PTPRN2: variants seen among roughly 807,000 people sequenced by gnomAD.
The protein encoded by PTPRN2 is receptor-type tyrosine-protein phosphatase N2.
Under a neutral mutation model 118.8 loss-of-function variants are expected in PTPRN2, and 74 were observed. The observed-to-expected ratio is 0.62, with a 90% CI of 0.52 to 0.76. The LOEUF (loss-of-function observed/expected upper bound fraction) is 0.76, where lower values mean the gene tolerates loss of function less well. Among genes scored for constraint, PTPRN2 ranks in the 30% least tolerant of loss-of-function variants. PTPRN2 has a pLI of 0.00. For synonymous variants in PTPRN2, 641 were observed against 608.0 expected, an observed-to-expected ratio of 1.05 and a Z score of -0.80; for missense variants, 1,481 against 1,394.4, an observed-to-expected ratio of 1.06 and a Z score of -0.99.
intron 11 of PTPRN2, among the ~76,000 whole-genome samples, chr7:157,976,400 C>T (rs931244190): frequency 1.9e-4 from 29 of 152,140 alleles, no homozygotes; most frequent in Non-Finnish European, 3.7e-4. Context: ...CCTCTGTTCT[C>T]TTTATTGTTC....
At chr7:158,235,178 T>A (rs1829452553) in intron 3 of PTPRN2, among the ~76,000 whole-genome samples, 1 of 152,154 alleles carries the variant, frequency 6.6e-6, no homozygotes, top group Non-Finnish European at 1.5e-5. Flanking sequence ...TAGAGAATAG[T>A]ATGGAGGTTG....
At chr7:158,141,245 T>G (rs1358863558) in intron 6 of PTPRN2, among the ~76,000 whole-genome samples, 9 of 152,222 alleles carry the variant, frequency 5.9e-5, no homozygotes, top group Non-Finnish European at 1.2e-4. Flanking sequence ...GTAGGCATTT[T>G]AGGTTTTTTG....
At chr7:158,467,629 G>A (rs1819488723) in intron 2 of PTPRN2, among the ~76,000 whole-genome samples, 1 of 152,158 alleles carries the variant, frequency 6.6e-6, no homozygotes, top group Non-Finnish European at 1.5e-5. Flanking sequence ...TGAGAACGGT[G>A]TAAGGTAAGG....
At position 157,831,270 on chromosome 7, in the gene PTPRN2, C is replaced by A. The variant is rs896886522; in HGVS notation, c.1788+67403G>T. On this transcript the variant is annotated intron_variant, in intron 12 of 22. Coordinates refer to ENST00000389418, the MANE Select transcript of PTPRN2 (RefSeq NM_002847.5). This position sits in a 1 kb window ranked among gnomAD's most constrained non-coding sequence, Gnocchi z 4.8. ...GAAGCCCCCATGGTGCAGGCCTGTC[C>A]CAGCGACCTGTAGCCTCATCCAGCA... Among the ~76,000 whole-genome samples the A allele has an allele frequency of 2.6e-5, 4 of 152,156 alleles. No individual in the cohort carries two copies. The highest frequency in any genetic ancestry group is 4.4e-5 in the Non-Finnish European group (3 of 68,018).
In PTPRN2 at chr7:157,587,301, C is replaced by T. The variant is rs1466664145; in HGVS notation, c.2496+7937G>A. ...AGACAGGCAGACGAGCCACTGGTGCCGGGTGGTGGGCGGCCCTGCACGGTG... is the reference window on the plus strand; with the variant it reads ...AGACAGGCAGACGAGCCACTGGTGCTGGGTGGTGGGCGGCCCTGCACGGTG... On this transcript the variant is annotated intron_variant, in intron 17 of 22. Coordinates refer to ENST00000389418, the MANE Select transcript of PTPRN2 (RefSeq NM_002847.5). The surrounding 1 kb of genome is among the most constrained non-coding windows in gnomAD (Gnocchi z 5.3). 5.9e-5 allele frequency among the ~76,000 whole-genome samples: 9 copies of T among 152,168 alleles called. No individual in the cohort carries two copies. Among genetic ancestry groups the T allele is most frequent in the East Asian group, 1.9e-4 (1 of 5,160 alleles).
chr7:158,412,544 CT>C (rs1369718488), intron 2 of PTPRN2, among the ~76,000 whole-genome samples: 2 of 108,644 alleles, frequency 1.8e-5, no homozygotes, highest in Non-Finnish European at 3.7e-5. Context: ...CAGGGCCCAT[CT>C]CAGCACCCTC....
chr7:158,565,788 T>G lies in PTPRN2; in HGVS notation c.112+21770A>C, dbSNP rs1246366924. 6.6e-6 allele frequency among the ~76,000 whole-genome samples: 1 copy of G among 152,220 alleles called. No homozygotes were observed. Among genetic ancestry groups the G allele is most frequent in the Admixed American group, 6.5e-5 (1 of 15,294 alleles). On this transcript the variant is annotated intron_variant, in intron 1 of 22. Coordinates refer to ENST00000389418, the MANE Select transcript of PTPRN2 (RefSeq NM_002847.5). The surrounding 1 kb of genome is among the most constrained non-coding windows in gnomAD (Gnocchi z 4.6). ...CGTAGTTACCCGCACGTCTAGAGACTGTCCCACATCTCCAAACACAGATCT... is the reference window on the plus strand; with the variant it reads ...CGTAGTTACCCGCACGTCTAGAGACGGTCCCACATCTCCAAACACAGATCT...
At position 157,794,214 on chromosome 7, in the gene PTPRN2, C is replaced by A. The variant is rs1804715119; in HGVS notation, c.1788+104459G>T. 6.8e-6 allele frequency among the ~76,000 whole-genome samples: 1 copy of A among 147,444 alleles called. No individual in the cohort carries two copies. Among genetic ancestry groups the A allele is most frequent in the African/African-American group, 2.6e-5 (1 of 38,464 alleles). ...CCCGGGATCACACCTCCGACCCGGG[C>A]TCACACCTCCCCTCGTTCTCTGCTC... On this transcript the variant is annotated intron_variant, in intron 12 of 22. Transcript: ENST00000389418. The surrounding 1 kb of genome is among the most constrained non-coding windows in gnomAD (Gnocchi z 5.2).
At chr7:157,691,972 G>A (rs1226176531) in intron 12 of PTPRN2, among the ~76,000 whole-genome samples, 6 of 152,118 alleles carry the variant, frequency 3.9e-5, no homozygotes, top group South Asian at 2.1e-4. Flanking sequence ...GGCGAGAGCC[G>A]GAGAGCTGAA....
At chr7:157,657,506 CAT>C (rs1795606486) in intron 13 of PTPRN2, among the ~76,000 whole-genome samples, 1 of 47,450 alleles carries the variant, frequency 2.1e-5, no homozygotes, top group Non-Finnish European at 4.9e-5. Flanking sequence ...TATACACACA[CAT>C]ACACCACACA....
At chr7:157,814,146 G>A (rs1391844134) in intron 12 of PTPRN2, among the ~76,000 whole-genome samples, 1 of 152,250 alleles carries the variant, frequency 6.6e-6, no homozygotes, top group Non-Finnish European at 1.5e-5. Flanking sequence ...CCTGCCATCT[G>A]CTCAGGAACC....
intron 2 of PTPRN2, among the ~76,000 whole-genome samples, chr7:158,334,630 C>G (rs1184697131): frequency 3.2e-4 from 32 of 101,168 alleles, no homozygotes; most frequent in African/African-American, 9.4e-4. Context: ...GCAGACGTCA[C>G]TCACACCCAC....
At chr7:158,137,215 G>T (rs1323924017) in intron 7 of PTPRN2, among the ~76,000 whole-genome samples, 1 of 152,058 alleles carries the variant, frequency 6.6e-6, no homozygotes, top group Non-Finnish European at 1.5e-5. Context: ...TCAGGAGTTG[G>T]AGATCAGCCT....
intron 1 of PTPRN2, among the ~76,000 whole-genome samples, chr7:158,576,098 C>A (rs1353602577): frequency 1.3e-5 from 2 of 152,150 alleles, no homozygotes; most frequent in Non-Finnish European, 2.9e-5. Context: ...GCTGGAAGAG[C>A]CTGCCTCTTA....
At chr7:158,120,222 C>T (rs1375368385) in intron 9 of PTPRN2, among the ~76,000 whole-genome samples, 1 of 152,108 alleles carries the variant, frequency 6.6e-6, no homozygotes, top group Non-Finnish European at 1.5e-5. Flanking sequence ...GGGGATGAAA[C>T]TTCAGTTTTA....
rs1259183424 is a variant in PTPRN2 at position 158,563,827 on chromosome 7, G to T, written c.112+23731C>A. ...ATTAGATGCCTATTTTTTAGGGAAT[G>T]GTCTTTTCTGTTTATAGGATCTATG... On this transcript the variant is annotated intron_variant, in intron 1 of 22. Coordinates refer to ENST00000389418, the MANE Select transcript of PTPRN2 (RefSeq NM_002847.5). This position sits in a 1 kb window ranked among gnomAD's most constrained non-coding sequence, Gnocchi z 5.1. Among the ~76,000 whole-genome samples, 1 of 152,176 alleles carries T rather than the reference G, an allele frequency of 6.6e-6. No homozygotes were observed. Among genetic ancestry groups the T allele is most frequent in the Non-Finnish European group, 1.5e-5 (1 of 68,028 alleles).
intron 12 of PTPRN2, among the ~76,000 whole-genome samples, chr7:157,791,312 G>A (rs1166828928): frequency 1.3e-5 from 2 of 152,172 alleles, no homozygotes; most frequent in Non-Finnish European, 2.9e-5. Flanking sequence ...TGCAACACCC[G>A]ATTCCATGTT....
chr7:158,023,210 G>A (rs936108660), intron 11 of PTPRN2, among the ~76,000 whole-genome samples: 6 of 152,096 alleles, frequency 3.9e-5, no homozygotes, highest in Admixed American at 3.9e-4. Context: ...AGCCAATCCT[G>A]GTTTATTTCT....
intron 9 of PTPRN2, among the ~76,000 whole-genome samples, chr7:158,127,367 A>T (rs1450245481): frequency 2.6e-5 from 4 of 151,752 alleles, no homozygotes; most frequent in African/African-American, 9.7e-5. Flanking sequence ...GCTCTGCTCC[A>T]CCTGAGCCCC....
Sources: allele counts gnomAD v4.1 joint callset (sites outside exome capture counted in the v4.1 genomes callset), GRCh38; gene constraint gnomAD v4.1.1; non-coding constraint Gnocchi (gnomAD v3.1); transcripts MANE v1.5; gene names NCBI Gene and HGNC (gene_info 2026-07-23, HGNC 2026-07-21).